The following EPS15 variants were observed in gnomAD, a reference collection of about 807,000 sequenced individuals.
EPS15 encodes epidermal growth factor receptor substrate 15.
Under a neutral mutation model 113.8 loss-of-function variants are expected in EPS15, and 72 were observed. That is an observed-to-expected ratio of 0.63 (90% CI 0.52 to 0.77). The LOEUF (loss-of-function observed/expected upper bound fraction) is 0.77. Ranked by LOEUF, EPS15 falls within the 30% of genes least tolerant of loss-of-function variation. The probability of loss-of-function intolerance (pLI) is 0.00; values close to 1 mark genes in which losing one functional copy is unlikely to be tolerated. For missense variants in EPS15, 1,048 were observed against 1,045.8 expected, an observed-to-expected ratio of 1.00 and a Z score of -0.03; for synonymous variants, 344 against 363.4, an observed-to-expected ratio of 0.95 and a Z score of 0.61.
intron 24 of EPS15, among the ~76,000 whole-genome samples, chr1:51,358,774 A>C (rs538906649): frequency 4.9e-5 from 7 of 142,628 alleles, no homozygotes; most frequent in Non-Finnish European, 1.0e-4. Context: ...GTGGCACTAT[A>C]TCAGCTCCCG....
At chr1:51,379,970 G>A (rs751679048) in intron 21 of EPS15, among the ~76,000 whole-genome samples, 27 of 151,246 alleles carry the variant, frequency 1.8e-4, no homozygotes, top group Middle Eastern at 3.4e-3. Flanking sequence ...GCTGAGGCAG[G>A]AGAACAACTT....
Position 51,402,416 on chromosome 1 carries a change from TA to T in EPS15, c.1882+18del, listed in dbSNP as rs761008866. The T allele has an allele frequency of 1.2e-4, 161 of 1,338,176 alleles. No individual in the cohort carries two copies. The highest frequency in any genetic ancestry group is 1.9e-4 in the South Asian group (14 of 75,454). 82.9% of individuals were successfully genotyped at this position (1,338,176 alleles called of 1,614,324 possible). On this transcript the variant is annotated intron_variant, in intron 18 of 24. Coordinates refer to ENST00000371733, the MANE Select transcript of EPS15 (RefSeq NM_001981.3). The stretch of plus-strand genomic sequence containing the variant: ...CTTTTTTTTGGGTAAATCTATAATA[TA>T]AAAAAAAGAGTACTTACTGCCAACA...
intron 15 of EPS15, 81 bp downstream of exon 15, chr1:51,408,054 G>A: frequency 8.2e-7 from 1 of 1,215,376 alleles, no homozygotes; most frequent in East Asian, 2.3e-5. Context: ...AGAGGTTGAA[G>A]GAGCAGAAGT....
intron 1 of EPS15, among the ~76,000 whole-genome samples, chr1:51,497,939 T>C (rs920271540): frequency 8.2e-5 from 12 of 147,212 alleles, no homozygotes; most frequent in Non-Finnish European, 1.3e-4. Context: ...ATTGTGCCAC[T>C]GCACTCCAGC....
chr1:51,456,355 C>T (rs1653995532), intron 8 of EPS15, among the ~76,000 whole-genome samples: 1 of 152,030 alleles, frequency 6.6e-6, no homozygotes, highest in African/African-American at 2.4e-5. Context: ...ACAAAGCAGA[C>T]ACGGGGTCTT....
intron 12 of EPS15, among the ~76,000 whole-genome samples, chr1:51,424,591 A>G (rs1216735786): frequency 6.6e-6 from 1 of 152,218 alleles, no homozygotes; most frequent in Non-Finnish European, 1.5e-5. Flanking sequence ...TAAGACAGAT[A>G]TAAGACATTA....
intron 21 of EPS15, among the ~76,000 whole-genome samples, chr1:51,391,212 G>A (rs1204525425): frequency 6.6e-6 from 1 of 151,792 alleles, no homozygotes; most frequent in African/African-American, 2.4e-5. Context: ...ACTATCACAA[G>A]GACAAAAAAC....
At chr1:51,400,725 A>AAAAAAAAAAAAAAAAAG (rs1648448279) in intron 19 of EPS15, among the ~76,000 whole-genome samples, 193 bp downstream of exon 19, 1 of 150,730 alleles carries the variant, frequency 6.6e-6, no homozygotes, top group Non-Finnish European at 1.5e-5. Context: ...AAAAAAAAAA[A>AAAAAAAAAAAAAAAAAG]AAAAAAAAAA....
intron 1 of EPS15, among the ~76,000 whole-genome samples, chr1:51,516,961 A>T (rs1644730421): frequency 6.6e-6 from 1 of 152,118 alleles, no homozygotes; most frequent in Non-Finnish European, 1.5e-5. Flanking sequence ...GTGTGCTGGG[A>T]GAGTGGGCAG....
At chr1:51,451,663 T>C (rs1005252633) in intron 8 of EPS15, among the ~76,000 whole-genome samples, 14 of 151,526 alleles carry the variant, frequency 9.2e-5, no homozygotes, top group Non-Finnish European at 1.3e-4. Flanking sequence ...TCTTGAACCA[T>C]GACAAGTATT....
At chr1:51,375,613 A>G (rs564327124) in intron 21 of EPS15, among the ~76,000 whole-genome samples, 2 of 152,312 alleles carry the variant, frequency 1.3e-5, no homozygotes, top group South Asian at 4.1e-4. Flanking sequence ...AAACTAATTA[A>G]ATAAATACAT....
chr1:51,434,419 T>A (rs1651972861), intron 12 of EPS15, among the ~76,000 whole-genome samples: 1 of 152,150 alleles, frequency 6.6e-6, no homozygotes, highest in Non-Finnish European at 1.5e-5. Flanking sequence ...CTGAGGATAT[T>A]ATGCTGAGTG....
intron 21 of EPS15, among the ~76,000 whole-genome samples, chr1:51,389,526 A>C (rs185206505): frequency 1.7e-4 from 26 of 152,344 alleles, no homozygotes; most frequent in African/African-American, 6.0e-4. Flanking sequence ...AGGAAATCAA[A>C]TTGTCCCTGT....
At chr1:51,384,298 C>CTTTTTTTTTTTTTTTT (rs67265512) in intron 21 of EPS15, among the ~76,000 whole-genome samples, 4 of 99,522 alleles carry the variant, frequency 4.0e-5, no homozygotes, top group South Asian at 3.0e-4. Context: ...TTCTTTCTTT[C>CTTTTTTTTTTTTTTTT]TTTTTTTTTT....
intron 1 of EPS15, among the ~76,000 whole-genome samples, chr1:51,503,712 A>G (rs1020370040): frequency 2.0e-5 from 3 of 152,224 alleles, no homozygotes; most frequent in South Asian, 2.1e-4. Flanking sequence ...ACAAAACAAC[A>G]ATACTCAAGA....
At chr1:51,478,385 C>T (rs1308615204) in intron 2 of EPS15, among the ~76,000 whole-genome samples, 3 of 152,204 alleles carry the variant, frequency 2.0e-5, no homozygotes, top group Non-Finnish European at 2.9e-5. Flanking sequence ...ATACAGCACA[C>T]TGATGGGTCT....
intron 21 of EPS15, among the ~76,000 whole-genome samples, chr1:51,390,048 T>C (rs1303432536): frequency 1.3e-5 from 2 of 152,114 alleles, no homozygotes; most frequent in African/African-American, 4.8e-5. Flanking sequence ...CAGCATCAAA[T>C]ACCTGACTTC....
chr1:51,487,219 CAGTGACACAGTATT>C (rs1463613196), intron 1 of EPS15, among the ~76,000 whole-genome samples: 1 of 151,954 alleles, frequency 6.6e-6, no homozygotes, highest in Non-Finnish European at 1.5e-5. Context: ...AGAAAAGTAT[CAGTGACACAGTATT>C]AGTGACAGAT....
At chr1:51,401,118 C>A (rs527585539) in intron 18 of EPS15, 165 bp from the exon 19 acceptor site, 4 of 498,812 alleles carry the variant, frequency 8.0e-6, no homozygotes, top group Non-Finnish European at 1.4e-5. Flanking sequence ...AAATATACAG[C>A]CAACTATACT....
Sources: gnomAD v4.1 joint callset for allele counts (sites outside exome capture counted in the v4.1 genomes callset) on GRCh38, gnomAD v4.1.1 for gene constraint, MANE v1.5 for transcripts, NCBI Gene and HGNC (gene_info 2026-07-23, HGNC 2026-07-21) for gene names.